The following DNAI2 variants were observed in gnomAD, a reference collection of about 807,000 sequenced individuals.
DNAI2 encodes the protein dynein, axonemal, intermediate polypeptide 2.
A neutral mutation model predicts 74.7 loss-of-function variants in DNAI2; 63 were observed. The ratio of observed to expected loss-of-function variants is 0.84; its 90% CI spans 0.69 to 1.04. The LOEUF is 1.04. Among genes scored for constraint, DNAI2 ranks in the 50% least tolerant of loss-of-function variants. The probability of loss-of-function intolerance (pLI) is 0.00; values close to 1 mark genes in which losing one functional copy is unlikely to be tolerated. For missense variants in DNAI2, 688 were observed against 803.2 expected (o/e 0.86, Z 1.73); for synonymous variants, 289 against 314.9 (o/e 0.92, Z 0.87).
At chr17:74,282,331 G>T (rs2051445650) in intron 2 of DNAI2, among the ~76,000 whole-genome samples, 1 of 151,928 alleles carries the variant, frequency 6.6e-6, no homozygotes, top group Admixed American at 6.6e-5. Context: ...TTTAAACAGG[G>T]TCTCACTCTA....
At chr17:74,303,882 T>G (rs1383187157) in intron 8 of DNAI2, among the ~76,000 whole-genome samples, 1 of 151,978 alleles carries the variant, frequency 6.6e-6, no homozygotes, top group Non-Finnish European at 1.5e-5. Context: ...TCCCAGCACT[T>G]TGGGAAGCCG....
intron 1 of DNAI2, among the ~76,000 whole-genome samples, chr17:74,278,068 C>T (rs995104472): frequency 1.3e-5 from 2 of 152,218 alleles, no homozygotes; most frequent in African/African-American, 4.8e-5. Context: ...GCCAGACATG[C>T]CTGGTGGTTC....
In DNAI2 at chr17:74,312,171, A is replaced by G. The variant is rs146727740; in HGVS notation, c.1663A>G (p.Ile555Val). The G allele has an allele frequency of 8.6e-5, 138 of 1,613,142 alleles. No individual in the cohort carries two copies. The South Asian group carries it at 1.4e-3, about 16-fold the overall frequency. The change falls in exon 12 of 14, where the codon ATC becomes GTC. Residue 555 changes from isoleucine (I) to valine (V), a missense_variant. Transcript: ENST00000311014. ...CAAGGCCGAGGAGGAGTTCTTCGAC[A>G]TCATCTTCGCAGAGCTGAAGAAGAA... ...VSKAEEEFFD[I>V]IFAELKKKEA... is the part of the protein sequence containing the mutation.
rs372940037 is a variant in DNAI2, at chr17:74,309,328, C to G, written c.1287C>G (p.Asp429Glu). The change falls in exon 10 of 14, where the codon GAC becomes GAG. Residue 429 changes from aspartate to glutamate, a missense_variant. By Grantham distance (45) the Asp-to-Glu change is conservative. Transcript: ENST00000311014. ...CCGTTTTCTTTACCACCAGGATGGA[C>G]GGAACCCTGGATATCTGGGACTTCA... is the stretch of plus-strand genomic sequence containing the variant. ...RPTVFFTTRM[D>E]GTLDIWDFMF... 1.9e-6 allele frequency: 3 copies of G among 1,613,998 alleles called. No individual in the cohort carries two copies.
chr17:74,288,855 A>G (rs1381027103), intron 4 of DNAI2, among the ~76,000 whole-genome samples: 2 of 152,202 alleles, frequency 1.3e-5, no homozygotes, highest in Non-Finnish European at 2.9e-5. Context: ...AGGCTGGAAT[A>G]GAGCAGCTGG....
chr17:74,286,513 C>T (rs978297065), intron 3 of DNAI2, among the ~76,000 whole-genome samples: 10 of 151,768 alleles, frequency 6.6e-5, no homozygotes, highest in Non-Finnish European at 1.3e-4. Context: ...CTCCACCTCC[C>T]GGGTTCAAGC....
At chr17:74,286,080 G>A (rs992853902) in intron 3 of DNAI2, among the ~76,000 whole-genome samples, 2 of 151,660 alleles carry the variant, frequency 1.3e-5, no homozygotes, top group Admixed American at 6.6e-5. Context: ...CAGATCACTC[G>A]AGCTCAGGAG....
At chr17:74,313,747 G>A (rs762164473) in intron 12 of DNAI2, 1 of 300,440 alleles carries the variant, frequency 3.3e-6, no homozygotes, top group African/African-American at 2.1e-5. Flanking sequence ...GCGTGGTACT[G>A]AAGCTGTTTT....
intron 8 of DNAI2, among the ~76,000 whole-genome samples, chr17:74,302,825 G>T (rs2052940508): frequency 6.6e-6 from 1 of 152,234 alleles, no homozygotes; most frequent in Non-Finnish European, 1.5e-5. Flanking sequence ...GCTTTGGGAG[G>T]CCCTGGCCTC....
Position 74,299,979 on chromosome 17 carries a change from A to G in DNAI2, c.864+122A>G. ...ACATTTTATTTTGAGATGGAGTTTC[A>G]CTCTTGTTGCCCAGGCTGGAGTGCA... On this transcript the variant is annotated intron_variant, in intron 7 of 13. Coordinates refer to ENST00000311014, the MANE Select transcript of DNAI2 (RefSeq NM_023036.6). The G allele has an allele frequency of 2.1e-6, 3 of 1,434,286 alleles. No homozygotes were observed. In the South Asian group the frequency reaches 3.8e-5, roughly 18 times the overall value. 88.8% of individuals were successfully genotyped at this position (1,434,286 alleles called of 1,614,324 possible).
At chr17:74,293,772 T>C (rs1435042958) in intron 6 of DNAI2, among the ~76,000 whole-genome samples, 1 of 137,214 alleles carries the variant, frequency 7.3e-6, no homozygotes, top group Non-Finnish European at 1.7e-5. Context: ...GGCATACAAG[T>C]GAATCATAGT....
chr17:74,305,074 A>G, intron 8 of DNAI2, 145 bp from the exon 9 acceptor site: 3 of 804,846 alleles, frequency 3.7e-6, no homozygotes. Context: ...ACTGCTCTCC[A>G]GGAGGGGCCA....
At chr17:74,275,938 G>T (rs2051047102) in intron 1 of DNAI2, among the ~76,000 whole-genome samples, 1 of 152,142 alleles carries the variant, frequency 6.6e-6, no homozygotes, top group South Asian at 2.1e-4. Context: ...CCTGCCAGGT[G>T]CCATGCAGGG....
intron 5 of DNAI2, 108 bp from the exon 6 acceptor site, chr17:74,290,912 C>T (rs2143950737): frequency 1.1e-6 from 1 of 948,290 alleles, no homozygotes; most frequent in East Asian, 2.4e-5. Flanking sequence ...TCCAGGCTTC[C>T]CCCTCTGCCA....
chr17:74,302,058 GGAAGGAAGGAAA>G (rs1567865702), intron 8 of DNAI2, among the ~76,000 whole-genome samples: 1 of 31,804 alleles, frequency 3.1e-5, no homozygotes, highest in East Asian at 4.5e-4. Context: ...AAGGAAGGAA[GGAAGGAAGGAAA>G]GAAGGAAGGA....
intron 8 of DNAI2, among the ~76,000 whole-genome samples, chr17:74,302,862 A>G (rs769450965): frequency 1.2e-4 from 19 of 152,336 alleles, no homozygotes; most frequent in Non-Finnish European, 2.1e-4. Flanking sequence ...CCCTAGCTCA[A>G]GGCTGAGAGA....
At chr17:74,284,969 G>A in intron 2 of DNAI2, 71 bp from the exon 3 acceptor site, 2 of 1,606,030 alleles carry the variant, frequency 1.2e-6, no homozygotes, top group Non-Finnish European at 1.7e-6. Flanking sequence ...GTGGGACCTG[G>A]CTTGCAGAAG....
rs2051777345 is a variant in DNAI2, at chr17:74,286,861, AG to A, written c.346-114del. On this transcript the variant is annotated intron_variant, in intron 3 of 13. Transcript: ENST00000311014. ...ATTCCTCCATTGAAAGCACATGGTT[AG>A]GTGGATGGGAAAAGCCCCTGGCTAT... 9.0e-6 allele frequency: 12 copies of A among 1,337,722 alleles called. No homozygotes were observed. In the South Asian group the frequency reaches 1.3e-4, roughly 15 times the overall value. The allele number at this position is 1,337,722 out of a possible 1,614,324, so 82.9% of individuals were successfully genotyped here.
intron 3 of DNAI2, among the ~76,000 whole-genome samples, chr17:74,285,956 CACAT>C (rs748220116): frequency 0.046 from 3,158 of 68,244 alleles, 38 homozygotes; most frequent in Non-Finnish European, 0.089. Context: ...TACACACACA[CACAT>C]ATATATATAT....
Sources: gnomAD v4.1 joint callset for allele counts (sites outside exome capture counted in the v4.1 genomes callset) on GRCh38, gnomAD v4.1.1 for gene constraint, MANE v1.5 for transcripts, NCBI Gene and HGNC (gene_info 2026-07-23, HGNC 2026-07-21) for gene names.